Variants in ARHGAP26 observed in about 807,000 individuals in gnomAD.
ARHGAP26 encodes rho GTPase-activating protein 26.
ARHGAP26 carries 38 observed loss-of-function variants against 104.8 expected under a neutral mutation model. The ratio of observed to expected loss-of-function variants is 0.36; its 90% CI spans 0.28 to 0.48. ARHGAP26 has a LOEUF of 0.48. ARHGAP26 is among the 20% of genes least tolerant of loss of function. The pLI is 0.99. For synonymous variants in ARHGAP26, 341 were observed against 340.0 expected (o/e 1.00, Z -0.03); for missense variants, 704 against 947.9 (o/e 0.74, Z 3.38).
intron 11 of ARHGAP26, among the ~76,000 whole-genome samples, chr5:142,955,394 T>C (rs1352119071): frequency 2.6e-5 from 4 of 152,152 alleles, no homozygotes; most frequent in East Asian, 3.8e-4. Context: ...CGAGGAAATA[T>C]GGTACATAGA....
chr5:143,209,236 G>T (rs9688137), intron 21 of ARHGAP26, among the ~76,000 whole-genome samples: 2,802 of 152,206 alleles, frequency 0.018, 77 homozygotes, highest in African/African-American at 0.064. Flanking sequence ...GAGATTTGGG[G>T]CCCTGTTTCT....
chr5:143,003,912 G>T (rs1460357849), intron 11 of ARHGAP26, among the ~76,000 whole-genome samples: 1 of 150,528 alleles, frequency 6.6e-6, no homozygotes, highest in East Asian at 2.0e-4. Flanking sequence ...AAATTTAAAG[G>T]AGTTTAATTG....
chr5:143,014,866 C>A (rs991777458), intron 12 of ARHGAP26, among the ~76,000 whole-genome samples: 37 of 152,132 alleles, frequency 2.4e-4, no homozygotes, highest in Non-Finnish European at 2.9e-5. Context: ...ATCCTGTCAC[C>A]TTGCTTTGTA....
At chr5:143,013,431 G>A (rs1389282212) in intron 11 of ARHGAP26, among the ~76,000 whole-genome samples, 7 of 151,862 alleles carry the variant, frequency 4.6e-5, no homozygotes, top group Non-Finnish European at 1.0e-4. Context: ...TTCTTTATTG[G>A]GGTACTTTCC....
intron 1 of ARHGAP26, chr5:142,772,978 T>C: frequency 2.0e-6 from 1 of 500,954 alleles, no homozygotes; most frequent in South Asian, 1.5e-5. Context: ...GGATCAGCCC[T>C]GTAATCTGGA....
chr5:142,940,447 C>G (rs1766078833), intron 11 of ARHGAP26, among the ~76,000 whole-genome samples: 1 of 152,086 alleles, frequency 6.6e-6, no homozygotes, highest in South Asian at 2.1e-4. Context: ...CCAATAATTA[C>G]TTTTCCTGAT....
intron 12 of ARHGAP26, among the ~76,000 whole-genome samples, chr5:143,034,140 T>C (rs988286632): frequency 1.3e-5 from 2 of 152,150 alleles, no homozygotes; most frequent in African/African-American, 4.8e-5. Flanking sequence ...CCCTCGTACA[T>C]TGCGGGTAGG....
At chr5:143,193,240 CTTTTT>C (rs57462040) in intron 20 of ARHGAP26, among the ~76,000 whole-genome samples, 14,341 of 74,536 alleles carry the variant, frequency 0.19, 638 homozygotes, top group East Asian at 0.4. Flanking sequence ...ATTTTCTTTT[CTTTTT>C]TTTTTTTTTT....
chr5:142,819,387 C>T (rs765962775), intron 1 of ARHGAP26, among the ~76,000 whole-genome samples: 3 of 152,164 alleles, frequency 2.0e-5, no homozygotes, highest in Non-Finnish European at 4.4e-5. Flanking sequence ...AAAAAGGACA[C>T]CTGGACAAGT....
At chr5:143,027,145 A>G (rs1413482540) in intron 12 of ARHGAP26, among the ~76,000 whole-genome samples, 1 of 148,898 alleles carries the variant, frequency 6.7e-6, no homozygotes, top group African/African-American at 2.5e-5. Flanking sequence ...TCCCCAATTT[A>G]TTATTTCTGT....
intron 6 of ARHGAP26, among the ~76,000 whole-genome samples, chr5:142,896,684 A>G (rs958619648): frequency 6.6e-6 from 1 of 152,000 alleles, no homozygotes; most frequent in Admixed American, 6.5e-5. Flanking sequence ...TGTCTTAGGG[A>G]GTTTTCACTT....
intron 10 of ARHGAP26, among the ~76,000 whole-genome samples, chr5:142,918,483 TCTA>T (rs1410608230): frequency 6.6e-6 from 1 of 152,218 alleles, no homozygotes; most frequent in Non-Finnish European, 1.5e-5. Flanking sequence ...TTTCTAGAAA[TCTA>T]CTTTTAATTC....
intron 1 of ARHGAP26, among the ~76,000 whole-genome samples, chr5:142,830,915 G>T (rs554586876): frequency 4.4e-4 from 67 of 152,292 alleles, no homozygotes; most frequent in African/African-American, 1.4e-3. Context: ...AAATATGTAT[G>T]AGAGGTATGT....
Position 142,770,574 on chromosome 5 carries a change from C to G in ARHGAP26, c.-188C>G, listed in dbSNP as rs1178755858. On this transcript the variant is annotated 5_prime_UTR_variant, in exon 1 of 23. Coordinates refer to ENST00000645722, the MANE Select transcript of ARHGAP26 (RefSeq NM_001135608.3). ...GCGCCCGGAACAGCAGCACCTCGGC[C>G]GGGTCCGAGCTCGGTTCGGGAGTCT... The G allele has an allele frequency of 4.0e-6, 1 of 250,080 alleles. No homozygotes were observed. Among genetic ancestry groups the G allele is most frequent in the Non-Finnish European group, 6.8e-6 (1 of 146,500 alleles). The allele number at this position is 250,080 out of a possible 1,614,324, so 15.5% of individuals were successfully genotyped here.
At chr5:142,917,508 A>G (rs1180601871) in intron 10 of ARHGAP26, among the ~76,000 whole-genome samples, 1 of 152,172 alleles carries the variant, frequency 6.6e-6, no homozygotes, top group Non-Finnish European at 1.5e-5. Context: ...ACTGTACAAT[A>G]TAAAGTACAA....
chr5:143,189,841 G>A (rs1349166678), intron 20 of ARHGAP26, among the ~76,000 whole-genome samples: 1 of 152,154 alleles, frequency 6.6e-6, no homozygotes, highest in East Asian at 1.9e-4. Context: ...TGAGAGCAGA[G>A]GGCTTGCTTG....
chr5:143,081,342 A>G (rs1789782177), intron 17 of ARHGAP26, among the ~76,000 whole-genome samples: 1 of 152,212 alleles, frequency 6.6e-6, no homozygotes, highest in African/African-American at 2.4e-5. Flanking sequence ...CTTTGGCTGT[A>G]TTCTAGTCAG....
chr5:142,945,552 A>G (rs1007149957), intron 11 of ARHGAP26, among the ~76,000 whole-genome samples: 1 of 152,206 alleles, frequency 6.6e-6, no homozygotes, highest in African/African-American at 2.4e-5. Flanking sequence ...CCAAATTAAG[A>G]GTTCTCTATT....
intron 9 of ARHGAP26, among the ~76,000 whole-genome samples, chr5:142,912,249 A>T (rs141780029): frequency 1.3e-5 from 2 of 152,358 alleles, no homozygotes; most frequent in Admixed American, 1.3e-4. Flanking sequence ...AGCCCTTGAT[A>T]TGCACAACAA....
Sources: gnomAD v4.1 joint callset for allele counts (sites outside exome capture counted in the v4.1 genomes callset) on GRCh38, gnomAD v4.1.1 for gene constraint, MANE v1.5 for transcripts, NCBI Gene and HGNC (gene_info 2026-07-23, HGNC 2026-07-21) for gene names.